The following DYNC2H1 variants were observed in gnomAD, a reference collection of about 807,000 sequenced individuals.
DYNC2H1 encodes the protein dynein cytoplasmic 2 heavy chain 1, also known as cytoplasmic dynein 2 heavy chain 1.
In DYNC2H1, 410 loss-of-function variants were observed where a neutral mutation model predicts 570.0. That is an observed-to-expected ratio of 0.72 (90% CI 0.66 to 0.78). The LOEUF (loss-of-function observed/expected upper bound fraction) is 0.78, where lower values mean the gene tolerates loss of function less well. DYNC2H1 is among the 30% of genes least tolerant of loss of function. DYNC2H1 has a pLI of 0.00. For synonymous variants in DYNC2H1, 1,688 were observed against 1,677.6 expected, an observed-to-expected ratio of 1.01 and a Z score of -0.15; for missense variants, 4,865 against 5,046.4, an observed-to-expected ratio of 0.96 and a Z score of 1.09.
At chr11:103,120,283 G>T (rs1415361180) in intron 6 of DYNC2H1, among the ~76,000 whole-genome samples, 164 bp from the exon 7 acceptor site, 1 of 152,096 alleles carries the variant, frequency 6.6e-6, no homozygotes, top group Non-Finnish European at 1.5e-5. Flanking sequence ...CTTTGTTGTT[G>T]TCACGTGGCA....
chr11:103,148,914 G>T (rs561562469), intron 20 of DYNC2H1, among the ~76,000 whole-genome samples: 1 of 152,030 alleles, frequency 6.6e-6, no homozygotes, highest in Non-Finnish European at 1.5e-5. Context: ...AAAATTAGCC[G>T]GTTGTGGTGG....
intron 70 of DYNC2H1, among the ~76,000 whole-genome samples, chr11:103,263,363 C>T (rs762551663): frequency 6.6e-6 from 1 of 151,806 alleles, no homozygotes; most frequent in Non-Finnish European, 1.5e-5. Flanking sequence ...GGACCTAACT[C>T]CACCCCATCT....
At chr11:103,156,821 A>T in intron 26 of DYNC2H1, 51 bp downstream of exon 26, 1 of 1,568,098 alleles carries the variant, frequency 6.4e-7, no homozygotes, top group Non-Finnish European at 8.6e-7. Flanking sequence ...TTTTTAAATT[A>T]ATTCATATTG....
At chr11:103,478,062 G>GT (rs1555143740) in intron 88 of DYNC2H1, among the ~76,000 whole-genome samples, 2 of 6,702 alleles carry the variant, frequency 3.0e-4, no homozygotes, top group African/African-American at 3.2e-4. Context: ...AACTTAAAAA[G>GT]TTCCCCTGAG....
At chr11:103,392,208 C>T (rs1261489318) in intron 83 of DYNC2H1, among the ~76,000 whole-genome samples, 1 of 152,214 alleles carries the variant, frequency 6.6e-6, no homozygotes, top group African/African-American at 2.4e-5. Flanking sequence ...GGCGGGCGCC[C>T]CTCCCCCAGC....
chr11:103,190,894 C>A (rs1348424439), intron 45 of DYNC2H1, among the ~76,000 whole-genome samples: 1 of 149,344 alleles, frequency 6.7e-6, no homozygotes, highest in Non-Finnish European at 1.5e-5. Context: ...CTTGGAATTG[C>A]AACCATCATA....
chr11:103,176,164 A>G, intron 36 of DYNC2H1, 71 bp from the exon 37 acceptor site: 1 of 1,193,480 alleles, frequency 8.4e-7, no homozygotes, highest in South Asian at 1.7e-5. Context: ...TATCAAGGCT[A>G]TAGAATATTT....
At chr11:103,309,674 C>T (rs1209865412) in intron 78 of DYNC2H1, among the ~76,000 whole-genome samples, 1 of 152,078 alleles carries the variant, frequency 6.6e-6, no homozygotes, top group Non-Finnish European at 1.5e-5. Context: ...TCTTCTCCAG[C>T]TACAATCCCA....
chr11:103,202,410 A>G (rs1469912286), intron 50 of DYNC2H1, among the ~76,000 whole-genome samples: 4 of 151,654 alleles, frequency 2.6e-5, no homozygotes, highest in Non-Finnish European at 4.4e-5. Flanking sequence ...TGAGAAGTCA[A>G]ATCTTGGCAT....
chr11:103,188,996 A>T (rs1862190528), intron 44 of DYNC2H1, among the ~76,000 whole-genome samples: 1 of 152,110 alleles, frequency 6.6e-6, no homozygotes, highest in South Asian at 2.1e-4. Flanking sequence ...TATGAAGATA[A>T]CAAAAAGAGA....
Position 103,188,598 on chromosome 11 carries a change from A to G in DYNC2H1, c.7242A>G (p.Arg2414=), listed in dbSNP as rs369826197. The change falls in exon 44 of 89, where the codon AGA becomes AGG. Residue 2414 remains arginine (R), a synonymous_variant. Transcript: ENST00000375735. The part of the protein sequence containing the change: ...ASMSAGGRLG[R]HKLTTRFTSI... ...TGTCAGCTGGAGGAAGACTGGGAAG[A>G]CATAAACTTACTACCAGATTTACTT... 184 of 1,610,156 alleles carry G rather than the reference A, an allele frequency of 1.1e-4. No homozygotes were observed. The highest frequency in any genetic ancestry group is 1.5e-4 in the Non-Finnish European group (171 of 1,177,818).
In DYNC2H1 at chr11:103,220,667, C is replaced by G. The variant is rs765905797; in HGVS notation, c.8991C>G (p.Pro2997=). 66 of 1,611,878 alleles carry G rather than the reference C, an allele frequency of 4.1e-5. No homozygotes were observed. Among genetic ancestry groups the G allele is most frequent in the Non-Finnish European group, 5.5e-5 (65 of 1,178,720 alleles). ...AACTAGCAGTTGGAAACATTAAGCC[C>G]GAATCACTTTCAGAAATTCGCTCAC... ...EAKLAVGNIK[P]ESLSEIRSLR... Residue 2997 remains proline (P), a synonymous_variant, in exon 57 of 89, where the codon CCC becomes CCG. Transcript: ENST00000375735.
At chr11:103,143,992 G>A (rs1243338531) in intron 18 of DYNC2H1, among the ~76,000 whole-genome samples, 2 of 152,120 alleles carry the variant, frequency 1.3e-5, no homozygotes, top group Non-Finnish European at 2.9e-5. Context: ...ATTAATTTAT[G>A]TTTTCATTAT....
Position 103,257,671 on chromosome 11 carries a change from T to C in DYNC2H1, c.10525T>C (p.Leu3509=). Residue 3509 remains leucine (L), a synonymous_variant, in exon 69 of 89, where the codon TTG becomes CTG. Coordinates refer to ENST00000375735, the MANE Select transcript of DYNC2H1 (RefSeq NM_001377.3). ...ASKMYFIISD[L]SKINNMYRFS... ...CAAGATGTACTTCATTATTTCTGAT[T>C]TGTCCAAAATTAATAACATGTACCG... is the stretch of plus-strand genomic sequence containing the variant. The C allele has an allele frequency of 6.2e-7, 1 of 1,613,262 alleles. No individual in the cohort carries two copies. Among genetic ancestry groups the C allele is most frequent in the Non-Finnish European group, 8.5e-7 (1 of 1,179,492 alleles).
chr11:103,375,170 C>G (rs528350586), intron 83 of DYNC2H1, among the ~76,000 whole-genome samples: 97 of 152,312 alleles, frequency 6.4e-4, no homozygotes, highest in Middle Eastern at 3.4e-3. Context: ...TTGGCAACTT[C>G]CACATGGTGT....
At chr11:103,417,920 C>G (rs766207861) in intron 84 of DYNC2H1, among the ~76,000 whole-genome samples, 1 of 147,274 alleles carries the variant, frequency 6.8e-6, no homozygotes, top group Admixed American at 6.8e-5. Context: ...ATAATAGACT[C>G]ATAAAGAAAA....
At chr11:103,354,371 T>C (rs1212847661) in intron 82 of DYNC2H1, among the ~76,000 whole-genome samples, 5 of 152,054 alleles carry the variant, frequency 3.3e-5, no homozygotes, top group Non-Finnish European at 5.9e-5. Context: ...TCAATGGTTA[T>C]ACTAAATTTT....
intron 88 of DYNC2H1, among the ~76,000 whole-genome samples, chr11:103,476,427 A>T (rs186023203): frequency 2.9e-3 from 449 of 152,316 alleles, no homozygotes; most frequent in African/African-American, 0.01. Context: ...AATTCAAAGG[A>T]GATTATTTTC....
At chr11:103,405,023 C>G (rs1942801391) in intron 84 of DYNC2H1, 1 of 151,644 alleles carries the variant, frequency 6.6e-6, no homozygotes, top group African/African-American at 2.4e-5. Context: ...GATATTATAG[C>G]TCATACTATG....
Sources: gnomAD v4.1 joint callset for allele counts (sites outside exome capture counted in the v4.1 genomes callset) on GRCh38, gnomAD v4.1.1 for gene constraint, MANE v1.5 for transcripts, NCBI Gene and HGNC (gene_info 2026-07-23, HGNC 2026-07-21) for gene names.